Variants in DGKB observed in about 807,000 individuals in gnomAD.
The protein encoded by DGKB is diacylglycerol kinase beta.
A neutral mutation model predicts 114.3 loss-of-function variants in DGKB; 67 were observed. The observed-to-expected ratio is 0.59, with a 90% CI of 0.48 to 0.72. The LOEUF (loss-of-function observed/expected upper bound fraction) is 0.72, where lower values mean the gene tolerates loss of function less well. Among genes scored for constraint, DGKB ranks in the 30% least tolerant of loss-of-function variants. DGKB has a pLI of 0.00. For synonymous variants in DGKB, 398 were observed against 323.1 expected (o/e 1.23, Z -2.49); for missense variants, 907 against 975.2 (o/e 0.93, Z 0.93).
At chr7:14,936,013 G>A (rs67462368) in intron 1 of DGKB, among the ~76,000 whole-genome samples, 21,729 of 152,118 alleles carry the variant, frequency 0.14, 1,640 homozygotes, top group Admixed American at 0.2. Flanking sequence ...AGTAATGAAT[G>A]GGTGGCTAAT....
intron 20 of DGKB, among the ~76,000 whole-genome samples, chr7:14,509,140 T>C (rs77049415): frequency 0.016 from 2,401 of 152,248 alleles, 49 homozygotes; most frequent in East Asian, 0.069. Flanking sequence ...TTTATGTCTA[T>C]TGCCTACAGG....
At chr7:14,840,412 G>A (rs944136589) in intron 2 of DGKB, among the ~76,000 whole-genome samples, 5 of 151,948 alleles carry the variant, frequency 3.3e-5, no homozygotes, top group African/African-American at 7.3e-5. Flanking sequence ...CCCAACTGCT[G>A]TTCATATTTA....
At chr7:14,550,626 C>A (rs1012315885) in intron 20 of DGKB, among the ~76,000 whole-genome samples, 5 of 152,142 alleles carry the variant, frequency 3.3e-5, no homozygotes, top group African/African-American at 1.2e-4. Flanking sequence ...TTCTTTCTTT[C>A]ATGTGCTTTA....
intron 21 of DGKB, among the ~76,000 whole-genome samples, chr7:14,453,304 C>A (rs1213124628): frequency 6.6e-6 from 1 of 152,088 alleles, no homozygotes; most frequent in Non-Finnish European, 1.5e-5. Flanking sequence ...CCACCACAGC[C>A]ATTTCAAGCA....
chr7:14,471,820 A>C (rs1359196375), intron 21 of DGKB, among the ~76,000 whole-genome samples: 1 of 152,150 alleles, frequency 6.6e-6, no homozygotes, highest in Non-Finnish European at 1.5e-5. Context: ...TGAAATAGTA[A>C]ATAACTTACA....
rs1178434198 is a variant in DGKB, at chr7:14,574,392, C to T, written c.1610-20G>A. The T allele has an allele frequency of 1.3e-6, 2 of 1,594,550 alleles. No homozygotes were observed. The highest frequency in any genetic ancestry group is 1.4e-5 in the African/African-American group (1 of 73,516). On this transcript the variant is annotated intron_variant, in intron 19 of 25. Coordinates refer to ENST00000402815, the MANE Select transcript of DGKB (RefSeq NM_001350709.2). ...CGTAACCTAGTGGGAAAAAAAAATACCTTGAGAAAAGAACTCTAACCAAAT... is the reference window on the plus strand; with the variant it reads ...CGTAACCTAGTGGGAAAAAAAAATATCTTGAGAAAAGAACTCTAACCAAAT...
At chr7:14,854,358 A>C (rs1334128155) in intron 1 of DGKB, among the ~76,000 whole-genome samples, 1 of 152,132 alleles carries the variant, frequency 6.6e-6, no homozygotes, top group Non-Finnish European at 1.5e-5. Flanking sequence ...ACCTGCCACA[A>C]CGTTTATTAT....
At chr7:14,337,026 A>G (rs1810798086) in intron 23 of DGKB, among the ~76,000 whole-genome samples, 2 of 152,210 alleles carry the variant, frequency 1.3e-5, no homozygotes. Context: ...GGAAGCAAGG[A>G]GTACATACGT....
chr7:14,643,933 G>C (rs140968806), intron 13 of DGKB, among the ~76,000 whole-genome samples: 414 of 152,238 alleles, frequency 2.7e-3, no homozygotes, highest in African/African-American at 9.6e-3. Context: ...ACACCATTTA[G>C]GAGCCAGAGG....
chr7:14,569,253 C>A (rs1412149055), intron 20 of DGKB, among the ~76,000 whole-genome samples: 1 of 152,062 alleles, frequency 6.6e-6, no homozygotes, highest in Admixed American at 6.5e-5. Flanking sequence ...TCCCCCTAAT[C>A]CCCATATTAT....
chr7:14,195,683 A>G (rs1164080571), intron 23 of DGKB, among the ~76,000 whole-genome samples: 2 of 152,162 alleles, frequency 1.3e-5, no homozygotes, highest in African/African-American at 4.8e-5. Flanking sequence ...TGAAAAACAC[A>G]TAAAAATAAA....
intron 1 of DGKB, among the ~76,000 whole-genome samples, chr7:14,861,805 A>G (rs975887664): frequency 4.0e-5 from 6 of 151,848 alleles, no homozygotes; most frequent in Non-Finnish European, 7.4e-5. Flanking sequence ...GAATTCCTTC[A>G]TTTTCACTGC....
chr7:14,717,926 T>C (rs973528400), intron 6 of DGKB, among the ~76,000 whole-genome samples: 10 of 152,202 alleles, frequency 6.6e-5, no homozygotes, highest in Non-Finnish European at 1.3e-4. Context: ...TCAGTCACTA[T>C]GTTTTATTAA....
upstream of DGKB, among the ~76,000 whole-genome samples, chr7:14,907,472 G>C (rs899430327): frequency 6.6e-6 from 1 of 152,192 alleles, no homozygotes; most frequent in South Asian, 2.1e-4. Context: ...GTGGTTGAGA[G>C]AATCAAATAA....
intron 2 of DGKB, among the ~76,000 whole-genome samples, chr7:14,784,002 T>C (rs1029551620): frequency 2.6e-5 from 4 of 152,342 alleles, no homozygotes; most frequent in Admixed American, 2.6e-4. Context: ...ATTACAAGAA[T>C]CATAAATATT....
chr7:14,454,828 T>C (rs2128852464), intron 21 of DGKB, among the ~76,000 whole-genome samples: 1 of 152,198 alleles, frequency 6.6e-6, no homozygotes, highest in East Asian at 1.9e-4. Context: ...ATGGTATTAC[T>C]CTAGCTAACA....
intron 2 of DGKB, among the ~76,000 whole-genome samples, chr7:14,760,881 A>C (rs1417692560): frequency 2.0e-5 from 3 of 152,170 alleles, no homozygotes; most frequent in African/African-American, 7.2e-5. Flanking sequence ...ATATTTTATT[A>C]GTGTACTGGT....
At chr7:14,532,706 T>A (rs547209631) in intron 20 of DGKB, among the ~76,000 whole-genome samples, 25 of 151,690 alleles carry the variant, frequency 1.6e-4, no homozygotes, top group South Asian at 2.1e-4. Flanking sequence ...ATAAATGCCA[T>A]TCTCTTAATA....
chr7:14,436,236 A>G (rs1264449623), intron 21 of DGKB, among the ~76,000 whole-genome samples: 1 of 152,178 alleles, frequency 6.6e-6, no homozygotes, highest in Non-Finnish European at 1.5e-5. Flanking sequence ...ACTACAGTAA[A>G]AGAAAATAAA....
Sources: gnomAD v4.1 joint callset for allele counts (sites outside exome capture counted in the v4.1 genomes callset) on GRCh38, gnomAD v4.1.1 for gene constraint, MANE v1.5 for transcripts, NCBI Gene and HGNC (gene_info 2026-07-23, HGNC 2026-07-21) for gene names.